SDK1: variants seen among roughly 807,000 people sequenced by gnomAD.
The protein encoded by SDK1 is protein sidekick-1.
A neutral mutation model predicts 245.5 loss-of-function variants in SDK1; 157 were observed. That is an observed-to-expected ratio of 0.64 (90% CI 0.56 to 0.73). The LOEUF (loss-of-function observed/expected upper bound fraction) is 0.73, where lower values mean the gene tolerates loss of function less well. SDK1 is among the 30% of genes least tolerant of loss of function. SDK1 has a pLI of 0.00. For missense variants in SDK1, 3,583 were observed against 3,002.3 expected (o/e 1.19, Z -4.52); for synonymous variants, 1,647 against 1,278.5 (o/e 1.29, Z -6.15).
At chr7:3,707,537 A>G (rs1784924823) in intron 4 of SDK1, among the ~76,000 whole-genome samples, 1 of 152,220 alleles carries the variant, frequency 6.6e-6, no homozygotes, top group Non-Finnish European at 1.5e-5. Context: ...GTTCTTGGGT[A>G]GAATGTTCTG....
chr7:3,467,027 C>CAG (rs1562503564), intron 1 of SDK1, among the ~76,000 whole-genome samples: 213 of 133,476 alleles, frequency 1.6e-3, no homozygotes, highest in African/African-American at 5.9e-3. Context: ...CACACACACA[C>CAG]ACAGAGATGT....
chr7:3,620,061 G>A (rs989238806), intron 2 of SDK1, among the ~76,000 whole-genome samples: 4 of 152,108 alleles, frequency 2.6e-5, no homozygotes, highest in Admixed American at 1.3e-4. Flanking sequence ...CAAAATCATC[G>A]CTGCCATGCT....
chr7:3,415,300 G>A lies in SDK1; in HGVS notation c.298+113416G>A, dbSNP rs574837883. ...ATAGGGCAGACCTGGACACATAAAT[G>A]TGTCAGGAGAAGTAAACAAAACGTG... On this transcript the variant is annotated intron_variant, in intron 1 of 44. Coordinates refer to ENST00000404826, the MANE Select transcript of SDK1 (RefSeq NM_152744.4). Among the ~76,000 whole-genome samples, 36 of 152,282 alleles carry A rather than the reference G, an allele frequency of 2.4e-4. No homozygotes were observed. The South Asian group carries it at 5.2e-3, about 22-fold the overall frequency.
chr7:3,704,007 T>G (rs1459640949), intron 4 of SDK1, among the ~76,000 whole-genome samples: 1 of 152,204 alleles, frequency 6.6e-6, no homozygotes, highest in African/African-American at 2.4e-5. Context: ...ACCCATCACC[T>G]GAGTATTGTA....
chr7:4,174,373 C>T lies in SDK1; in HGVS notation c.4936+16C>T, dbSNP rs375591885. On this transcript the variant is annotated intron_variant, in intron 33 of 44. Transcript: ENST00000404826. ...GAGCTCACAGGTGAGACTGTCCCCTCTGTCCTGGTACAGGGAGGGAGGTTC... is the reference window on the plus strand; with the variant it reads ...GAGCTCACAGGTGAGACTGTCCCCTTTGTCCTGGTACAGGGAGGGAGGTTC... 1.0e-4 allele frequency: 164 copies of T among 1,613,128 alleles called. No individual in the cohort carries two copies. Among genetic ancestry groups the T allele is most frequent in the Non-Finnish European group, 1.4e-4 (160 of 1,179,400 alleles).
chr7:3,453,269 G>A (rs1780572773), intron 1 of SDK1, among the ~76,000 whole-genome samples: 1 of 152,200 alleles, frequency 6.6e-6, no homozygotes, highest in African/African-American at 2.4e-5. Context: ...GGCTGGGCAT[G>A]AGGAACATCA....
intron 9 of SDK1, among the ~76,000 whole-genome samples, chr7:3,964,095 A>G (rs2128130428): frequency 6.6e-6 from 1 of 152,382 alleles, no homozygotes; most frequent in Admixed American, 6.5e-5. Flanking sequence ...TGGGCCTTCA[A>G]GGTAGAACTT....
At chr7:3,336,497 A>G (rs897027747) in intron 1 of SDK1, among the ~76,000 whole-genome samples, 3 of 152,044 alleles carry the variant, frequency 2.0e-5, no homozygotes, top group Non-Finnish European at 2.9e-5. Flanking sequence ...TTACCATTAC[A>G]CTTGACCTCT....
chr7:4,069,196 G>C (rs1349238469), intron 20 of SDK1, among the ~76,000 whole-genome samples: 2 of 152,180 alleles, frequency 1.3e-5, no homozygotes, highest in Non-Finnish European at 2.9e-5. Context: ...AGACCTCTGG[G>C]ATCCTCAGTT....
chr7:4,245,725 A>T lies in SDK1; in HGVS notation c.6301A>T (p.Ile2101Phe). The stretch of plus-strand genomic sequence containing the variant: ...CGGCCTGCACTACTCAGACGAGGAC[A>T]TCTGCAACAAGTACAACGGCGCCGT... ...PGGLHYSDED[I>F]CNKYNGAVLT... Residue 2101 changes from isoleucine (I) to phenylalanine (F), a missense_variant, in exon 44 of 45, where the codon ATC becomes TTC. Transcript: ENST00000404826. 6.2e-7 allele frequency: 1 copy of T among 1,614,086 alleles called. No individual in the cohort carries two copies. Among genetic ancestry groups the T allele is most frequent in the East Asian group, 2.2e-5 (1 of 44,844 alleles).
chr7:3,726,698 T>A (rs1474218237), intron 4 of SDK1, among the ~76,000 whole-genome samples: 4 of 152,240 alleles, frequency 2.6e-5, no homozygotes, highest in Non-Finnish European at 5.9e-5. Context: ...CTGTGTTCTC[T>A]CATATAATCG....
At chr7:3,970,239 C>T (rs1004707639) in intron 11 of SDK1, among the ~76,000 whole-genome samples, 3 of 152,154 alleles carry the variant, frequency 2.0e-5, no homozygotes, top group Non-Finnish European at 4.4e-5. Flanking sequence ...TTTGTTGAAA[C>T]GTTATTCTTC....
chr7:4,228,774 G>A (rs545963303), intron 40 of SDK1, among the ~76,000 whole-genome samples: 294 of 152,234 alleles, frequency 1.9e-3, no homozygotes, highest in Middle Eastern at 6.8e-3. Context: ...TCGTGACCTC[G>A]TGATCTGTCT....
intron 31 of SDK1, among the ~76,000 whole-genome samples, chr7:4,160,051 A>C (rs1375613524): frequency 6.6e-6 from 1 of 152,196 alleles, no homozygotes; most frequent in African/African-American, 2.4e-5. Flanking sequence ...ATTGTTAGCA[A>C]ACCTGGAGGC....
intron 28 of SDK1, among the ~76,000 whole-genome samples, chr7:4,134,217 C>T (rs1240338103): frequency 6.6e-6 from 1 of 152,196 alleles, no homozygotes; most frequent in African/African-American, 2.4e-5. Flanking sequence ...TATGTGATTT[C>T]TGGAGTTGCT....
At chr7:3,453,750 T>G (rs1426704707) in intron 1 of SDK1, among the ~76,000 whole-genome samples, 1 of 152,138 alleles carries the variant, frequency 6.6e-6, no homozygotes, top group African/African-American at 2.4e-5. Context: ...GCTAATTTTT[T>G]TTTTACTTTT....
In SDK1 at chr7:3,943,076, C is replaced by T. The variant is rs542070027; in HGVS notation, c.848-7847C>T. Among the ~76,000 whole-genome samples, 9 of 152,324 alleles carry T rather than the reference C, an allele frequency of 5.9e-5. No homozygotes were observed. The South Asian group carries it at 1.7e-3, about 28-fold the overall frequency. On this transcript the variant is annotated intron_variant, in intron 5 of 44. Transcript: ENST00000404826. The stretch of plus-strand genomic sequence containing the variant: ...AAGAGGCGTATTCGCCAGGAGCACT[C>T]GGCTGTGAATCCAGACACGGAAGAC...
At chr7:3,783,473 C>CT (rs1780810405) in intron 4 of SDK1, among the ~76,000 whole-genome samples, 2 of 144,828 alleles carry the variant, frequency 1.4e-5, no homozygotes, top group Admixed American at 1.3e-4. Flanking sequence ...ACAGACCCCA[C>CT]CAAAAAAAAA....
rs1260524079 is a variant in SDK1, at chr7:4,210,070, C to A, written c.5447C>A (p.Thr1816Asn). Residue 1816 changes from threonine to asparagine, a missense_variant, in exon 38 of 45, where the codon ACC becomes AAC. By Grantham distance (65) the Thr-to-Asn change is moderately conservative (BLOSUM62 0). Coordinates refer to ENST00000404826, the MANE Select transcript of SDK1 (RefSeq NM_152744.4). ...SFLAFSEITS[T>N]TLNVSWGEPA... ...CTGGCGTTCTCAGAAATAACCTCCA[C>A]CACGCTCAACGTGTCCTGGGGCGAG... is the stretch of plus-strand genomic sequence containing the variant. 5 of 1,608,196 alleles carry A rather than the reference C, an allele frequency of 3.1e-6. No homozygotes were observed. The highest frequency in any genetic ancestry group is 1.1e-5 in the South Asian group (1 of 90,028).
Sources: allele counts gnomAD v4.1 joint callset (sites outside exome capture counted in the v4.1 genomes callset), GRCh38; gene constraint gnomAD v4.1.1; transcripts MANE v1.5; gene names NCBI Gene and HGNC (gene_info 2026-07-23, HGNC 2026-07-21).